The following MDH1B variants were observed in gnomAD, a reference collection of about 807,000 sequenced individuals.
MDH1B encodes the protein malate dehydrogenase 1B.
MDH1B carries 60 observed loss-of-function variants against 61.4 expected under a neutral mutation model. That is an observed-to-expected ratio of 0.98 (90% CI 0.79 to 1.21). MDH1B has a LOEUF of 1.21. Among genes scored for constraint, MDH1B ranks in the 50% most tolerant of loss-of-function variants. The pLI is 0.00. For missense variants in MDH1B, 587 were observed against 632.1 expected (o/e 0.93, Z 0.76); for synonymous variants, 236 against 218.7 (o/e 1.08, Z -0.70).
In MDH1B at chr2:206,738,374, C is replaced by T. The variant is rs1396495522; in HGVS notation, c.*109G>A. 2 of 840,992 alleles carry T rather than the reference C, an allele frequency of 2.4e-6. No individual in the cohort carries two copies. Among genetic ancestry groups the T allele is most frequent in the Non-Finnish European group, 3.6e-6 (2 of 556,766 alleles). The allele number at this position is 840,992 out of a possible 1,614,324, so 52.1% of individuals were successfully genotyped here. A position where few individuals can be genotyped will look rare whatever the true frequency, so the allele number is the denominator to read the frequency against. On this transcript the variant is annotated 3_prime_UTR_variant, in exon 12 of 12. Coordinates refer to ENST00000374412, the MANE Select transcript of MDH1B (RefSeq NM_001039845.3). The stretch of plus-strand genomic sequence containing the variant: ...TTGCCTTGCATGGTATTATCTAAGA[C>T]TGACATAAATCTTTCAAATTATTCT...
Position 206,741,043 on chromosome 2 carries a change from C to T in MDH1B, c.1459+11G>A, listed in dbSNP as rs1289554316. On this transcript the variant is annotated intron_variant, in intron 10 of 11. Coordinates refer to ENST00000374412, the MANE Select transcript of MDH1B (RefSeq NM_001039845.3). ...GCAATATAGACATTGTTTATAACCC[C>T]ACTGACTTACCATCTGACATAGCTA... The T allele has an allele frequency of 6.2e-7, 1 of 1,613,060 alleles. No individual in the cohort carries two copies. The highest frequency in any genetic ancestry group is 8.5e-7 in the Non-Finnish European group (1 of 1,179,538).
At chr2:206,752,814 G>C (rs1267481380) in intron 5 of MDH1B, among the ~76,000 whole-genome samples, 1 of 137,668 alleles carries the variant, frequency 7.3e-6, no homozygotes, top group Admixed American at 7.5e-5. Flanking sequence ...TTTTCATTAA[G>C]AGCATCCTGA....
chr2:206,738,360 G>C lies in MDH1B; in HGVS notation c.*123C>G, dbSNP rs928953123. ...TCACAGTGATTTAATTGCCTTGCAT[G>C]GTATTATCTAAGACTGACATAAATC... On this transcript the variant is annotated 3_prime_UTR_variant, in exon 12 of 12. Transcript: ENST00000374412. The C allele has an allele frequency of 1.6e-6, 1 of 644,894 alleles. No individual in the cohort carries two copies. Among genetic ancestry groups the C allele is most frequent in the Non-Finnish European group, 2.5e-6 (1 of 407,504 alleles). The allele number at this position is 644,894 out of a possible 1,614,324, so 39.9% of individuals were successfully genotyped here.
At chr2:206,741,869 A>G (rs1196151438) in intron 9 of MDH1B, among the ~76,000 whole-genome samples, 1 of 152,142 alleles carries the variant, frequency 6.6e-6, no homozygotes, top group African/African-American at 2.4e-5. Context: ...CCAAATGCTA[A>G]GGACCTAAGG....
At chr2:206,761,363 T>C (rs1268152852) in intron 1 of MDH1B, among the ~76,000 whole-genome samples, 1 of 152,168 alleles carries the variant, frequency 6.6e-6, no homozygotes, top group Non-Finnish European at 1.5e-5. Flanking sequence ...TACTCACTAA[T>C]GGCCACCAAA....
chr2:206,742,709 CTA>C lies in MDH1B; in HGVS notation c.1409-1607_1409-1606del, dbSNP rs1270039061. 1.4e-4 allele frequency among the ~76,000 whole-genome samples: 19 copies of C among 133,936 alleles called. 1 individual carries two copies. In the South Asian group the frequency reaches 2.9e-3, roughly 20 times the overall value. 87.9% of individuals were successfully genotyped at this position (133,936 alleles called of 152,430 possible). On this transcript the variant is annotated intron_variant, in intron 9 of 11. Coordinates refer to ENST00000374412, the MANE Select transcript of MDH1B (RefSeq NM_001039845.3). ...ACTCAAAAAGAGCTGCTTGATGTCTCTATTTTTTTTTTTTTTTTTTTTTTTGA... is the reference window on the plus strand; with the variant it reads ...ACTCAAAAAGAGCTGCTTGATGTCTCTTTTTTTTTTTTTTTTTTTTTTTGA...
At chr2:206,744,072 A>C (rs558379656) in intron 9 of MDH1B, among the ~76,000 whole-genome samples, 1 of 152,326 alleles carries the variant, frequency 6.6e-6, no homozygotes, top group South Asian at 2.1e-4. Context: ...TCATGGCTGT[A>C]TCTCTCAGCT....
chr2:206,739,593 C>T lies in MDH1B; in HGVS notation c.1528G>A (p.Glu510Lys). The change falls in exon 11 of 12, where the codon GAA (glutamate) becomes AAA (lysine). Residue 510 changes from glutamate to lysine, a missense_variant and splice_region_variant. Coordinates refer to ENST00000374412, the MANE Select transcript of MDH1B (RefSeq NM_001039845.3). ...EKPQSLEFLN[E>K]FEGKTVES The stretch of plus-strand genomic sequence containing the variant: ...AGTTAATGTTTTGTCTACCACCTAC[C>T]ATTTAGGAACTCAAGACTCTGTGGC... 6.2e-7 allele frequency: 1 copy of T among 1,613,442 alleles called. No homozygotes were observed. The highest frequency in any genetic ancestry group is 1.3e-5 in the African/African-American group (1 of 75,028).
At chr2:206,757,077 T>C in intron 3 of MDH1B, 37 bp from the exon 4 acceptor site, 1 of 1,592,078 alleles carries the variant, frequency 6.3e-7, no homozygotes. Flanking sequence ...TATCAGAGAA[T>C]AGATAACTAG....
chr2:206,764,865 C>T (rs753383652), intron 1 of MDH1B, among the ~76,000 whole-genome samples: 40 of 152,158 alleles, frequency 2.6e-4, no homozygotes, highest in Non-Finnish European at 5.1e-4. Context: ...CAGCTCACAC[C>T]TTCACAACTC....
chr2:206,740,494 G>A (rs1687746428), intron 10 of MDH1B, among the ~76,000 whole-genome samples: 1 of 152,142 alleles, frequency 6.6e-6, no homozygotes, highest in South Asian at 2.1e-4. Flanking sequence ...TCTTAGGGAT[G>A]GCAGAGGTGG....
intron 4 of MDH1B, 156 bp downstream of exon 4, chr2:206,756,742 G>T: frequency 1.5e-6 from 1 of 667,988 alleles, no homozygotes; most frequent in South Asian, 2.0e-5. Context: ...CACACACAGA[G>T]ATGCATATGT....
intron 7 of MDH1B, among the ~76,000 whole-genome samples, chr2:206,748,159 T>A (rs569607371): frequency 1.3e-5 from 2 of 152,264 alleles, no homozygotes; most frequent in African/African-American, 2.4e-5. Flanking sequence ...GGCAGGTAGA[T>A]CACAAGGTCA....
intron 1 of MDH1B, among the ~76,000 whole-genome samples, chr2:206,762,168 A>T (rs1689137462): frequency 8.5e-6 from 1 of 117,890 alleles, no homozygotes; most frequent in Non-Finnish European, 1.7e-5. Flanking sequence ...TGTTCTCCTC[A>T]TTACTATTCC....
chr2:206,738,372 G>T lies in MDH1B; in HGVS notation c.*111C>A. 1.2e-6 allele frequency: 1 copy of T among 826,240 alleles called. No individual in the cohort carries two copies. The allele number at this position is 826,240 out of a possible 1,614,324, so 51.2% of individuals were successfully genotyped here. On this transcript the variant is annotated 3_prime_UTR_variant, in exon 12 of 12. Coordinates refer to ENST00000374412, the MANE Select transcript of MDH1B (RefSeq NM_001039845.3). ...AATTGCCTTGCATGGTATTATCTAA[G>T]ACTGACATAAATCTTTCAAATTATT... is the stretch of plus-strand genomic sequence containing the variant.
At chr2:206,740,131 G>C (rs79178876) in intron 10 of MDH1B, among the ~76,000 whole-genome samples, 2,321 of 152,254 alleles carry the variant, frequency 0.015, 66 homozygotes, top group African/African-American at 0.052. Flanking sequence ...TATGTATACA[G>C]TTGACCCCTG....
chr2:206,739,794 A>G (rs1468143044), intron 10 of MDH1B, 133 bp from the exon 11 acceptor site: 3 of 739,540 alleles, frequency 4.1e-6, no homozygotes, highest in African/African-American at 1.8e-5. Context: ...AGGAGTTACA[A>G]GATGCTAGAC....
At position 206,757,007 on chromosome 2, in the gene MDH1B, C is replaced by T; in HGVS notation, c.304G>A (p.Glu102Lys). 1.9e-6 allele frequency: 3 copies of T among 1,613,866 alleles called. 1 individual carries two copies. The South Asian group carries it at 3.3e-5, about 18-fold the overall frequency. ...TCTTGAGCAATTACCATCATCAGTTCAGTCGTCATGCTAGAGGTGACATCA... is the reference window on the plus strand; with the variant it reads ...TCTTGAGCAATTACCATCATCAGTTTAGTCGTCATGCTAGAGGTGACATCA... ...YYDVTSSMTT[E>K]LMMVIAQENL... is the part of the protein sequence containing the mutation. Residue 102 changes from glutamate to lysine, a missense_variant, in exon 4 of 12, where the codon GAA (glutamate) becomes AAA (lysine). Physicochemically the swap from Glu to Lys is moderately conservative, Grantham distance 56. Transcript: ENST00000374412.
In MDH1B at chr2:206,755,280, C is replaced by A. The variant is rs548965997; in HGVS notation, c.639G>T (p.Val213=). 4.6e-5 allele frequency: 75 copies of A among 1,614,184 alleles called. No individual in the cohort carries two copies. In the South Asian group the frequency reaches 7.6e-4, roughly 16 times the overall value. Reference sequence around the variant, plus strand: ...CCTCCTTGTTGGTGCTGTCATCCAGCACCACAATGACGTGGGCCTGGCGGA... The same window carrying A: ...CCTCCTTGTTGGTGCTGTCATCCAGAACCACAATGACGTGGGCCTGGCGGA... ...EAFRQAHVIV[V]LDDSTNKEVF... Residue 213 remains valine, a synonymous_variant, in exon 5 of 12, where the codon GTG becomes GTT. Transcript: ENST00000374412.
Sources: gnomAD v4.1 joint callset for allele counts (sites outside exome capture counted in the v4.1 genomes callset) on GRCh38, gnomAD v4.1.1 for gene constraint, MANE v1.5 for transcripts, NCBI Gene and HGNC (gene_info 2026-07-23, HGNC 2026-07-21) for gene names.